CDC42BPA: variants seen among roughly 807,000 people sequenced by gnomAD.
CDC42BPA encodes the protein serine/threonine-protein kinase MRCK alpha.
A neutral mutation model predicts 223.5 loss-of-function variants in CDC42BPA; 80 were observed. That is an observed-to-expected ratio of 0.36 (90% CI 0.30 to 0.43). The LOEUF (loss-of-function observed/expected upper bound fraction) is 0.43, where lower values mean the gene tolerates loss of function less well. Among genes scored for constraint, CDC42BPA ranks in the 20% least tolerant of loss-of-function variants. CDC42BPA has a pLI of 1.00. For missense variants in CDC42BPA, 1,743 were observed against 2,099.9 expected (o/e 0.83, Z 3.32); for synonymous variants, 694 against 718.6 (o/e 0.97, Z 0.55).
intron 30 of CDC42BPA, 93 bp from the exon 31 acceptor site, chr1:227,026,245 G>T: frequency 1.5e-6 from 1 of 652,492 alleles, no homozygotes; most frequent in Admixed American, 3.1e-5. Flanking sequence ...ACTGTAGAGT[G>T]GAATCCCACC....
intron 16 of CDC42BPA, among the ~76,000 whole-genome samples, chr1:227,086,197 T>C (rs1681855084): frequency 1.3e-5 from 2 of 152,234 alleles, no homozygotes; most frequent in Non-Finnish European, 2.9e-5. Flanking sequence ...TATTCTAGTA[T>C]ATGGGTATGA....
chr1:227,164,675 C>T (rs890776500), intron 5 of CDC42BPA, among the ~76,000 whole-genome samples: 3 of 152,270 alleles, frequency 2.0e-5, no homozygotes, highest in Admixed American at 1.3e-4. Context: ...TTTTCAAGTG[C>T]GTGCGCATGA....
intron 1 of CDC42BPA, among the ~76,000 whole-genome samples, chr1:227,287,250 C>G (rs1688958081): frequency 6.6e-6 from 1 of 152,180 alleles, no homozygotes; most frequent in Admixed American, 6.5e-5. Flanking sequence ...AAAAGAGTTA[C>G]ATCACAGACC....
chr1:227,092,041 G>C, intron 15 of CDC42BPA, 50 bp from the exon 16 acceptor site: 1 of 998,206 alleles, frequency 1.0e-6, no homozygotes, highest in Non-Finnish European at 1.5e-6. Flanking sequence ...AAGGTCATTT[G>C]AAAACTTGAA....
chr1:227,162,227 A>G (rs1173089290), intron 5 of CDC42BPA, among the ~76,000 whole-genome samples: 1 of 151,848 alleles, frequency 6.6e-6, no homozygotes, highest in African/African-American at 2.4e-5. Flanking sequence ...TACATAAAGC[A>G]TATTATGTGA....
At chr1:227,227,435 G>C (rs1677049994) in intron 2 of CDC42BPA, among the ~76,000 whole-genome samples, 1 of 152,136 alleles carries the variant, frequency 6.6e-6, no homozygotes, top group African/African-American at 2.4e-5. Flanking sequence ...GACAAGTTGA[G>C]ACTAACATTC....
intron 21 of CDC42BPA, chr1:227,069,276 T>C (rs574106542): frequency 1.3e-5 from 2 of 152,212 alleles, no homozygotes; most frequent in South Asian, 4.1e-4. Context: ...GATCAAGAGT[T>C]ACATAATCAC....
chr1:227,088,092 T>C (rs773594750), intron 16 of CDC42BPA, among the ~76,000 whole-genome samples: 11 of 152,198 alleles, frequency 7.2e-5, no homozygotes, highest in Non-Finnish European at 1.2e-4. Flanking sequence ...CTTTGCATTA[T>C]TACCAAATAA....
chr1:227,224,158 C>T (rs1378271072), intron 2 of CDC42BPA, among the ~76,000 whole-genome samples: 1 of 150,676 alleles, frequency 6.6e-6, no homozygotes, highest in Non-Finnish European at 1.5e-5. Context: ...GTTTATAGGA[C>T]TCCAATTCCT....
At chr1:227,169,295 C>T (rs933361968) in intron 5 of CDC42BPA, among the ~76,000 whole-genome samples, 4 of 152,172 alleles carry the variant, frequency 2.6e-5, no homozygotes, top group Non-Finnish European at 5.9e-5. Flanking sequence ...AAAGGAGTTA[C>T]ATACTCCTTT....
At chr1:227,138,707 T>C (rs1659122569) in intron 10 of CDC42BPA, among the ~76,000 whole-genome samples, 2 of 151,948 alleles carry the variant, frequency 1.3e-5, no homozygotes, top group South Asian at 4.1e-4. Context: ...TCTGAATTAA[T>C]ATTAGTCAGC....
chr1:227,078,384 T>G (rs1433425034), intron 17 of CDC42BPA, among the ~76,000 whole-genome samples: 1 of 152,200 alleles, frequency 6.6e-6, no homozygotes, highest in Non-Finnish European at 1.5e-5. Context: ...TAGTTACAAG[T>G]TACTTAAAGA....
chr1:227,081,014 T>C lies in CDC42BPA; in HGVS notation c.2359A>G (p.Thr787Ala). The C allele has an allele frequency of 6.2e-7, 1 of 1,613,380 alleles. No homozygotes were observed. Among genetic ancestry groups the C allele is most frequent in the South Asian group, 1.1e-5 (1 of 91,030 alleles). ...KKLTSELDKL[T>A]TLYENLSIHN... ...ATACTTAAGTTCTCATACAAAGTAG[T>C]AAGCTGAAAGATAGTTTTAAGACAT... The change falls in exon 17 of 37, where the codon ACT becomes GCT. Residue 787 changes from threonine (T) to alanine (A), a missense_variant. Thr to Ala is a moderately conservative substitution (Grantham distance 58). Around this residue, in one of 6 missense-constraint regions of CDC42BPA, gnomAD observed 464 missense variants for 488.0 expected, o/e 0.95. Transcript: ENST00000366766.
intron 10 of CDC42BPA, among the ~76,000 whole-genome samples, chr1:227,138,726 G>C (rs1460322374): frequency 7.2e-5 from 11 of 151,988 alleles, no homozygotes; most frequent in Admixed American, 7.2e-4. Flanking sequence ...GCACGTTGTG[G>C]GTGTTTTAAG....
At chr1:227,276,027 C>G (rs1370253865) in intron 1 of CDC42BPA, among the ~76,000 whole-genome samples, 1 of 152,116 alleles carries the variant, frequency 6.6e-6, no homozygotes, top group Non-Finnish European at 1.5e-5. Flanking sequence ...CCGCCACCCC[C>G]TCTGGGAAGT....
intron 1 of CDC42BPA, among the ~76,000 whole-genome samples, chr1:227,268,668 A>ATATATATATGTGTATATATATATATTTG (rs1491340125): frequency 1.4e-5 from 2 of 144,514 alleles, no homozygotes; most frequent in African/African-American, 5.2e-5. Context: ...ATATATATAC[A>ATATATATATGTGTATATATATATATTTG]TATATATATA....
At chr1:227,273,040 C>T (rs1357813301) in intron 1 of CDC42BPA, among the ~76,000 whole-genome samples, 2 of 151,498 alleles carry the variant, frequency 1.3e-5, no homozygotes, top group Non-Finnish European at 2.9e-5. Flanking sequence ...CGCCTGTAAT[C>T]CCAGCACTTT....
At chr1:227,149,396 T>C (rs1255905263) in intron 6 of CDC42BPA, among the ~76,000 whole-genome samples, 2 of 152,286 alleles carry the variant, frequency 1.3e-5, no homozygotes, top group African/African-American at 2.4e-5. Context: ...TTGGCAGATA[T>C]AATTCTTAAA....
intron 1 of CDC42BPA, among the ~76,000 whole-genome samples, chr1:227,267,994 C>T (rs1026565637): frequency 6.6e-6 from 1 of 152,124 alleles, no homozygotes; most frequent in Admixed American, 6.5e-5. Flanking sequence ...CTACCATGTC[C>T]CAGGCACTGG....
Sources: gnomAD v4.1 joint callset for allele counts (sites outside exome capture counted in the v4.1 genomes callset) on GRCh38, gnomAD v4.1.1 for gene constraint, gnomAD v4.1.1 regional missense constraint, MANE v1.5 for transcripts, NCBI Gene and HGNC (gene_info 2026-07-23, HGNC 2026-07-21) for gene names.